The following CAMKMT variants were observed in gnomAD, a reference collection of about 807,000 sequenced individuals.
The protein encoded by CAMKMT is calmodulin-lysine N-methyltransferase, also known as CaM KMT.
CAMKMT carries 53 observed loss-of-function variants against 48.0 expected under a neutral mutation model. The ratio of observed to expected loss-of-function variants is 1.10; its 90% confidence interval spans 0.89 to 1.39. The LOEUF (loss-of-function observed/expected upper bound fraction) is 1.39, where lower values mean the gene tolerates loss of function less well. CAMKMT is among the 40% of genes most tolerant of loss of function. The pLI is 0.00. For synonymous variants in CAMKMT, 165 were observed against 152.3 expected (o/e 1.08, Z -0.61); for missense variants, 428 against 402.7 (o/e 1.06, Z -0.54).
chr2:44,665,529 C>T (rs1029544891), intron 3 of CAMKMT, among the ~76,000 whole-genome samples: 4 of 152,086 alleles, frequency 2.6e-5, no homozygotes, highest in African/African-American at 9.7e-5. Flanking sequence ...AAATCATTGC[C>T]CTTGAACCAG....
intron 7 of CAMKMT, among the ~76,000 whole-genome samples, chr2:44,725,537 A>G (rs752996429): frequency 1.3e-5 from 2 of 152,198 alleles, no homozygotes; most frequent in Admixed American, 6.5e-5. Flanking sequence ...AGATCTGCCA[A>G]TTCAAGGTGG....
intron 3 of CAMKMT, among the ~76,000 whole-genome samples, chr2:44,492,158 A>G (rs76378558): frequency 6.6e-6 from 1 of 152,300 alleles, no homozygotes; most frequent in East Asian, 1.9e-4. Flanking sequence ...TATGTCCCTT[A>G]TAAAACATTT....
chr2:44,471,683 T>C (rs1668426254), intron 3 of CAMKMT, among the ~76,000 whole-genome samples: 1 of 152,186 alleles, frequency 6.6e-6, no homozygotes, highest in Non-Finnish European at 1.5e-5. Context: ...TTACTAGCTA[T>C]GTGAGTTGAG....
chr2:44,564,364 G>A (rs188725907), intron 3 of CAMKMT, among the ~76,000 whole-genome samples: 3 of 151,774 alleles, frequency 2.0e-5, no homozygotes, highest in East Asian at 3.9e-4. Context: ...TAATAGAAAC[G>A]GGGTTTCACC....
At chr2:44,493,603 G>T (rs529862234) in intron 3 of CAMKMT, among the ~76,000 whole-genome samples, 1 of 152,254 alleles carries the variant, frequency 6.6e-6, no homozygotes, top group East Asian at 1.9e-4. Context: ...AGTTGATAAA[G>T]ACATTTTTGA....
chr2:44,433,522 T>C (rs1572863581), intron 3 of CAMKMT, among the ~76,000 whole-genome samples: 1 of 152,192 alleles, frequency 6.6e-6, no homozygotes, highest in East Asian at 1.9e-4. Flanking sequence ...TGGAAGTGTC[T>C]GACATTATGA....
chr2:44,497,177 T>G (rs1476361375), intron 3 of CAMKMT, among the ~76,000 whole-genome samples: 1 of 152,204 alleles, frequency 6.6e-6, no homozygotes, highest in African/African-American at 2.4e-5. Context: ...TTTTATTAGC[T>G]GATTATTTTA....
intron 3 of CAMKMT, among the ~76,000 whole-genome samples, chr2:44,531,916 G>A (rs1572729669): frequency 6.6e-6 from 1 of 152,144 alleles, no homozygotes; most frequent in Admixed American, 6.6e-5. Flanking sequence ...TCTAGAGGAG[G>A]TTAAGCATTA....
At chr2:44,420,579 A>AT (rs1333969364) in intron 3 of CAMKMT, among the ~76,000 whole-genome samples, 52 of 151,278 alleles carry the variant, frequency 3.4e-4, no homozygotes, top group East Asian at 7.8e-4. Context: ...ATATATATAT[A>AT]TTTTTTTCTC....
intron 9 of CAMKMT, 88 bp from the exon 10 acceptor site, chr2:44,766,342 G>A: frequency 7.0e-7 from 1 of 1,422,134 alleles, no homozygotes; most frequent in African/African-American, 1.4e-5. Flanking sequence ...CTACTTGAGA[G>A]CAGTACATTA....
intron 3 of CAMKMT, among the ~76,000 whole-genome samples, chr2:44,676,383 A>G (rs989863355): frequency 6.6e-6 from 1 of 152,128 alleles, no homozygotes; most frequent in Admixed American, 6.5e-5. Context: ...TCAATTCACT[A>G]TGTATAAAAC....
chr2:44,607,550 C>G (rs369992713), intron 3 of CAMKMT, among the ~76,000 whole-genome samples: 3 of 152,026 alleles, frequency 2.0e-5, no homozygotes, highest in Admixed American at 6.6e-5. Flanking sequence ...TCAATTCTAC[C>G]TATACTATAT....
chr2:44,629,409 G>A (rs1572952450), intron 3 of CAMKMT, among the ~76,000 whole-genome samples: 1 of 146,688 alleles, frequency 6.8e-6, no homozygotes, highest in African/African-American at 2.5e-5. Context: ...CTATCTCACT[G>A]TGTATGCATT....
intron 7 of CAMKMT, among the ~76,000 whole-genome samples, chr2:44,734,438 A>G (rs1374302887): frequency 6.6e-6 from 1 of 151,640 alleles, no homozygotes; most frequent in Middle Eastern, 3.2e-3. Context: ...TTTTTGAGAC[A>G]GGTTCTCGCT....
In CAMKMT at chr2:44,401,342, A is replaced by C. The variant is rs924843267; in HGVS notation, c.376+11037A>C. On this transcript the variant is annotated intron_variant, in intron 3 of 10. Coordinates refer to ENST00000378494, the MANE Select transcript of CAMKMT (RefSeq NM_024766.5). ...GGAGGTGAGGCGGGTGGATCACCTG[A>C]GGTCAGGAGTTTGAGACCAGCCTGG... Among the ~76,000 whole-genome samples, 3 of 152,206 alleles carry C rather than the reference A, an allele frequency of 2.0e-5. No homozygotes were observed. In the South Asian group the frequency reaches 6.2e-4, roughly 32 times the overall value.
rs950796876 is a variant in CAMKMT at position 44,549,327 on chromosome 2, C to T, written c.377-154956C>T. 2.0e-5 allele frequency among the ~76,000 whole-genome samples: 3 copies of T among 152,038 alleles called. No individual in the cohort carries two copies. In the East Asian group the frequency reaches 5.8e-4, roughly 29 times the overall value. On this transcript the variant is annotated intron_variant, in intron 3 of 10. Transcript: ENST00000378494. ...CCTTCCCAACCCCTATGGGAATTCTCTGCCAGATTACTATGATTATAGTTT... is the reference window on the plus strand; with the variant it reads ...CCTTCCCAACCCCTATGGGAATTCTTTGCCAGATTACTATGATTATAGTTT...
intron 3 of CAMKMT, among the ~76,000 whole-genome samples, chr2:44,518,896 A>T (rs1413247415): frequency 6.6e-6 from 1 of 152,214 alleles, no homozygotes. Context: ...GAATGTTAAA[A>T]GGGGAAGATA....
chr2:44,678,582 A>T (rs1218346747), intron 3 of CAMKMT, among the ~76,000 whole-genome samples: 1 of 152,202 alleles, frequency 6.6e-6, no homozygotes, highest in Non-Finnish European at 1.5e-5. Flanking sequence ...ATTGCTTGAT[A>T]TTCATATTTT....
intron 3 of CAMKMT, among the ~76,000 whole-genome samples, chr2:44,414,813 G>A (rs1240241585): frequency 1.3e-5 from 2 of 152,190 alleles, no homozygotes; most frequent in African/African-American, 4.8e-5. Context: ...AGCTACACTT[G>A]AACTGTCTAG....
Sources: gnomAD v4.1 joint callset for allele counts (sites outside exome capture counted in the v4.1 genomes callset) on GRCh38, gnomAD v4.1.1 for gene constraint, MANE v1.5 for transcripts, NCBI Gene and HGNC (gene_info 2026-07-23, HGNC 2026-07-21) for gene names.